MCTS1: variants seen among roughly 807,000 people sequenced by gnomAD.
MCTS1 encodes MCTS1 re-initiation and release factor, also known as malignant T-cell-amplified sequence 1.
For synonymous variants in MCTS1, 26 were observed against 40.8 expected (o/e 0.64, Z 1.38); for missense variants, 55 against 128.6 (o/e 0.43, Z 2.77).
rs969391870 is a variant in MCTS1, at chrX:120,620,381, G to A, written c.*8117G>A. ...TGCCTGTAATCCCAGCACTTTGGGA[G>A]CCAAGGTGGGTGGATCATGAGGTCA... is the stretch of plus-strand genomic sequence containing the variant. On this transcript the variant is annotated 3_prime_UTR_variant, in exon 6 of 6. Coordinates refer to ENST00000371317, the MANE Select transcript of MCTS1 (RefSeq NM_014060.3). 9.6e-6 allele frequency among the ~76,000 whole-genome samples: 1 copy of A among 104,400 alleles called. No homozygotes were observed. Among genetic ancestry groups the A allele is most frequent in the African/African-American group, 3.5e-5 (1 of 28,387 alleles). The allele number at this position is 104,400 out of a possible 115,157, so 90.7% of individuals were successfully genotyped here.
rs187084205 is a variant in MCTS1, at chrX:120,617,218, G to A, written c.*4954G>A. Among the ~76,000 whole-genome samples, 292 of 112,202 alleles carry A rather than the reference G, an allele frequency of 2.6e-3. 2 individuals carry two copies. Among genetic ancestry groups the A allele is most frequent in the Non-Finnish European group, 4.7e-3 (250 of 53,221 alleles). On this transcript the variant is annotated 3_prime_UTR_variant, in exon 6 of 6. Transcript: ENST00000371317. ...TTGTTGTTGTTGTTTTTGAGATGGAGTCTTGCTTCATTGCCCAGGCTGGAG... is the reference window on the plus strand; with the variant it reads ...TTGTTGTTGTTGTTTTTGAGATGGAATCTTGCTTCATTGCCCAGGCTGGAG...
In MCTS1 at chrX:120,613,789, TTAAA is replaced by T. The variant is rs748094442; in HGVS notation, c.*1529_*1532del. ...TGGATTTGGGTCCCCACTAGACTCC[TTAAA>T]TAATGTATATCTTCTATAAGTGGAA... On this transcript the variant is annotated 3_prime_UTR_variant, in exon 6 of 6. Transcript: ENST00000371317. Among the ~76,000 whole-genome samples the T allele has an allele frequency of 5.8e-4, 65 of 112,172 alleles. No homozygotes were observed. Among genetic ancestry groups the T allele is most frequent in the Non-Finnish European group, 1.1e-3 (60 of 53,264 alleles).
At chrX:120,612,106 C>G in intron 5 of MCTS1, 77 bp from the exon 6 acceptor site, 1 of 746,969 alleles carries the variant, frequency 1.3e-6, no homozygotes, top group Non-Finnish European at 2.0e-6. Flanking sequence ...TAACAATATA[C>G]TTTGAATTAT....
chrX:120,615,850 T>A lies in MCTS1; in HGVS notation c.*3586T>A, dbSNP rs186659994. On this transcript the variant is annotated 3_prime_UTR_variant, in exon 6 of 6. Coordinates refer to ENST00000371317, the MANE Select transcript of MCTS1 (RefSeq NM_014060.3). The stretch of plus-strand genomic sequence containing the variant: ...GACCCCAAACAAAAACAGCTGGATT[T>A]ATCCCATGGGTAGTCATGAACATTT... Among the ~76,000 whole-genome samples, 33 of 112,009 alleles carry A rather than the reference T, an allele frequency of 2.9e-4. 1 individual carries two copies. The highest frequency in any genetic ancestry group is 1.0e-3 in the African/African-American group (31 of 30,917).
In MCTS1 at chrX:120,604,166, C is replaced by T. The variant is rs1926465656; in HGVS notation, c.-71C>T. 4 of 1,156,188 alleles carry T rather than the reference C, an allele frequency of 3.5e-6. No homozygotes were observed. The highest frequency in any genetic ancestry group is 4.4e-5 in the Admixed American group (2 of 45,365). The stretch of plus-strand genomic sequence containing the variant: ...GCCTTCCTCGTGTGAGGGGATCTGC[C>T]GGACCCCTGCAAATTCAATTTCTTT... On this transcript the variant is annotated 5_prime_UTR_variant, in exon 1 of 6. Coordinates refer to ENST00000371317, the MANE Select transcript of MCTS1 (RefSeq NM_014060.3).
Position 120,612,380 on chromosome X carries a change from T to C in MCTS1, c.*116T>C. 1 of 529,967 alleles carries C rather than the reference T, an allele frequency of 1.9e-6. No individual in the cohort carries two copies. The highest frequency in any genetic ancestry group is 3.0e-6 in the Non-Finnish European group (1 of 331,309). The allele number at this position is 529,967 out of a possible 1,213,427, so 43.7% of individuals were successfully genotyped here. A position where few individuals can be genotyped will look rare whatever the true frequency, so the allele number is the denominator to read the frequency against. ...GGTTATGCTGAATAAATTCACCAGATGCTAAAATTCTGTTAGCTTCAGAAA... is the reference window on the plus strand; with the variant it reads ...GGTTATGCTGAATAAATTCACCAGACGCTAAAATTCTGTTAGCTTCAGAAA... On this transcript the variant is annotated 3_prime_UTR_variant, in exon 6 of 6. Transcript: ENST00000371317.
At chrX:120,608,959 T>C (rs780903922) in intron 4 of MCTS1, among the ~76,000 whole-genome samples, 1 of 112,083 alleles carries the variant, frequency 8.9e-6, no homozygotes, top group African/African-American at 3.2e-5. Context: ...GAGTCCCAGA[T>C]GGTCCTTAAA....
intron 1 of MCTS1, chrX:120,604,658 T>C (rs1190464310): frequency 2.9e-6 from 3 of 1,034,450 alleles, no homozygotes; most frequent in African/African-American, 2.0e-5. Flanking sequence ...ACTTCCTGGG[T>C]CATGGGAGTG....
Position 120,619,259 on chromosome X carries a change from TA to T in MCTS1, c.*6997del, listed in dbSNP as rs1408576646. Reference sequence around the variant, plus strand: ...CCAGCTGTTATTCACATCAATATTTTAACATTTTACCATCAAGATATTTAAT... The same window carrying T: ...CCAGCTGTTATTCACATCAATATTTTACATTTTACCATCAAGATATTTAAT... On this transcript the variant is annotated 3_prime_UTR_variant, in exon 6 of 6. Transcript: ENST00000371317. 9.0e-6 allele frequency among the ~76,000 whole-genome samples: 1 copy of T among 111,526 alleles called. No individual in the cohort carries two copies. The highest frequency in any genetic ancestry group is 1.9e-5 in the Non-Finnish European group (1 of 53,134).
At chrX:120,604,618 T>G (rs1039076158) in intron 1 of MCTS1, 14 of 950,376 alleles carry the variant, frequency 1.5e-5, no homozygotes, top group Non-Finnish European at 1.9e-5. Context: ...CATATGTTTA[T>G]TAGTTATGAA....
At chrX:120,610,569 C>T (rs754668402) in intron 4 of MCTS1, among the ~76,000 whole-genome samples, 40 of 112,047 alleles carry the variant, frequency 3.6e-4, no homozygotes, top group East Asian at 1.1e-3. Context: ...GCCAAGACTG[C>T]GCCATTGCAC....
At chrX:120,604,404 G>C (rs2045698294) in intron 1 of MCTS1, 157 bp downstream of exon 1, 1 of 700,809 alleles carries the variant, frequency 1.4e-6, no homozygotes, top group East Asian at 3.8e-5. Flanking sequence ...CTCCCAACTT[G>C]AACACTTCTT....
At position 120,612,928 on chromosome X, in the gene MCTS1, CTTT is replaced by C. The variant is rs541130604; in HGVS notation, c.*678_*680del. 3.2e-5 allele frequency among the ~76,000 whole-genome samples: 3 copies of C among 93,117 alleles called. No homozygotes were observed. The highest frequency in any genetic ancestry group is 1.2e-4 in the Admixed American group (1 of 8,057). 80.9% of individuals were successfully genotyped at this position (93,117 alleles called of 115,157 possible). On this transcript the variant is annotated 3_prime_UTR_variant, in exon 6 of 6. Transcript: ENST00000371317. ...TCATTTCATCCATAACTACTTTATT[CTTT>C]TTTTTTTTTTTTTGAAACAGGGTCT... is the stretch of plus-strand genomic sequence containing the variant.
At chrX:120,606,013 T>G in intron 2 of MCTS1, 66 bp from the exon 3 acceptor site, 1 of 637,095 alleles carries the variant, frequency 1.6e-6, no homozygotes, top group Non-Finnish European at 2.4e-6. Context: ...TGTATATGCG[T>G]GTTTTATATT....
Position 120,617,499 on chromosome X carries a change from T to C in MCTS1, c.*5235T>C, listed in dbSNP as rs1479316781. 8.9e-6 allele frequency among the ~76,000 whole-genome samples: 1 copy of C among 112,225 alleles called. No individual in the cohort carries two copies. Among genetic ancestry groups the C allele is most frequent in the African/African-American group, 3.2e-5 (1 of 30,873 alleles). ...GAACCACCACACCCGACCCAACTAA[T>C]ACATTTTTAAAATCCCATTTTAAAA... On this transcript the variant is annotated 3_prime_UTR_variant, in exon 6 of 6. Coordinates refer to ENST00000371317, the MANE Select transcript of MCTS1 (RefSeq NM_014060.3).
chrX:120,620,732 C>T lies in MCTS1; in HGVS notation c.*8468C>T, dbSNP rs972252700. On this transcript the variant is annotated 3_prime_UTR_variant, in exon 6 of 6. Transcript: ENST00000371317. ...TGAGGGGCCTAATCTACATTTTGCT[C>T]CGGATCCAATGATTTAATTTTTGGG... The T allele has an allele frequency of 1.8e-5, 2 of 111,643 alleles. No homozygotes were observed. Among genetic ancestry groups the T allele is most frequent in the Non-Finnish European group, 3.8e-5 (2 of 53,102 alleles). The allele number at this position is 111,643 out of a possible 1,213,427, so 9.2% of individuals were successfully genotyped here. A position where few individuals can be genotyped will look rare whatever the true frequency, so the allele number is the denominator to read the frequency against.
rs1926962695 is a variant in MCTS1, at chrX:120,619,789, C to T, written c.*7525C>T. On this transcript the variant is annotated 3_prime_UTR_variant, in exon 6 of 6. Coordinates refer to ENST00000371317, the MANE Select transcript of MCTS1 (RefSeq NM_014060.3). ...TGGCTGGAGTAATGTTTTTCTGTTT[C>T]CCTCTTAGCAAAGTGGAGTGGGAGA... 9.0e-6 allele frequency among the ~76,000 whole-genome samples: 1 copy of T among 111,479 alleles called. No homozygotes were observed. The highest frequency in any genetic ancestry group is 3.3e-5 in the African/African-American group (1 of 30,635).
At position 120,604,221 on chromosome X, in the gene MCTS1, C is replaced by T; in HGVS notation, c.-16C>T. On this transcript the variant is annotated 5_prime_UTR_variant, in exon 1 of 6. Coordinates refer to ENST00000371317, the MANE Select transcript of MCTS1 (RefSeq NM_014060.3). ...TTCCGGGCCCTTCCCTATCGTCGCC[C>T]CCTTCACCTTGGATCATGTTCAAGA... The T allele has an allele frequency of 1.7e-6, 2 of 1,209,062 alleles. No homozygotes were observed. The highest frequency in any genetic ancestry group is 2.2e-6 in the Non-Finnish European group (2 of 894,170).
chrX:120,618,859 A>G lies in MCTS1; in HGVS notation c.*6595A>G, dbSNP rs1162142743. On this transcript the variant is annotated 3_prime_UTR_variant, in exon 6 of 6. Transcript: ENST00000371317. The stretch of plus-strand genomic sequence containing the variant: ...GCTCCTGAATGCAAAGGTCTGAGAG[A>G]AGGCACATCCTCATTAGCTTCTGGG... Among the ~76,000 whole-genome samples, 2 of 112,516 alleles carry G rather than the reference A, an allele frequency of 1.8e-5. No homozygotes were observed. Among genetic ancestry groups the G allele is most frequent in the Non-Finnish European group, 3.8e-5 (2 of 53,315 alleles).
Sources: allele counts gnomAD v4.1 joint callset (sites outside exome capture counted in the v4.1 genomes callset), GRCh38; gene constraint gnomAD v4.1.1; transcripts MANE v1.5; gene names NCBI Gene and HGNC (gene_info 2026-07-23, HGNC 2026-07-21).